The following DLG2 variants were observed in gnomAD, a reference collection of about 807,000 sequenced individuals.
DLG2 encodes the protein disks large homolog 2.
DLG2 carries 45 observed loss-of-function variants against 132.5 expected under a neutral mutation model. The observed-to-expected ratio is 0.34, with a 90% confidence interval of 0.27 to 0.44. The LOEUF is 0.44. Ranked by LOEUF, DLG2 falls within the 20% of genes least tolerant of loss-of-function variation. The pLI, the probability that DLG2 is intolerant of heterozygous loss-of-function variation, is 1.00. For missense variants in DLG2, 1,045 were observed against 1,196.9 expected, an observed-to-expected ratio of 0.87 and a Z score of 1.87; for synonymous variants, 424 against 419.6, an observed-to-expected ratio of 1.01 and a Z score of -0.13.
intron 19 of DLG2, among the ~76,000 whole-genome samples, chr11:83,612,858 A>C (rs1423216491): frequency 6.6e-6 from 1 of 152,200 alleles, no homozygotes; most frequent in Non-Finnish European, 1.5e-5. Flanking sequence ...TAGGGGAAGC[A>C]GCAGAGGAGG....
intron 7 of DLG2, among the ~76,000 whole-genome samples, chr11:84,517,581 T>C (rs1439600894): frequency 1.3e-5 from 2 of 151,756 alleles, no homozygotes; most frequent in African/African-American, 4.8e-5. Context: ...TGAAAAAGAG[T>C]ATATAGAGCT....
chr11:85,429,620 C>A (rs947232867), intron 3 of DLG2, among the ~76,000 whole-genome samples: 1 of 152,220 alleles, frequency 6.6e-6, no homozygotes, highest in African/African-American at 2.4e-5. Flanking sequence ...CTCGTCATCA[C>A]TGGCCATCAG....
chr11:85,479,578 T>C (rs942960106), intron 3 of DLG2, among the ~76,000 whole-genome samples: 2 of 152,244 alleles, frequency 1.3e-5, no homozygotes, highest in African/African-American at 4.8e-5. Flanking sequence ...GGATTCATTA[T>C]GAACTTTTGA....
intron 6 of DLG2, among the ~76,000 whole-genome samples, chr11:85,076,421 T>G (rs190169702): frequency 8.0e-4 from 121 of 152,112 alleles, no homozygotes; most frequent in African/African-American, 2.9e-3. Context: ...AACAGCCAAT[T>G]AACTTTCTAA....
chr11:84,818,350 T>C (rs1338070626), intron 6 of DLG2, among the ~76,000 whole-genome samples: 1 of 152,006 alleles, frequency 6.6e-6, no homozygotes. Context: ...TAGGAAACTT[T>C]TTTGGTTTAG....
At chr11:84,794,233 A>G (rs573522858) in intron 6 of DLG2, among the ~76,000 whole-genome samples, 1 of 152,346 alleles carries the variant, frequency 6.6e-6, no homozygotes, top group Non-Finnish European at 1.5e-5. Context: ...TATAGTCAAG[A>G]ATAACTTCAT....
At chr11:84,546,035 AG>A (rs1468262172) in intron 6 of DLG2, among the ~76,000 whole-genome samples, 2 of 152,028 alleles carry the variant, frequency 1.3e-5, no homozygotes, top group Non-Finnish European at 2.9e-5. Flanking sequence ...GGATTGTGAG[AG>A]TGACCCACCA....
intron 19 of DLG2, among the ~76,000 whole-genome samples, chr11:83,622,499 C>T (rs565397937): frequency 5.4e-4 from 83 of 152,342 alleles, no homozygotes; most frequent in Non-Finnish European, 9.3e-4. Flanking sequence ...CATCTTCAAA[C>T]TCAACTGTCC....
chr11:84,308,746 G>A (rs1478916465), intron 7 of DLG2, among the ~76,000 whole-genome samples: 1 of 152,114 alleles, frequency 6.6e-6, no homozygotes, highest in African/African-American at 2.4e-5. Flanking sequence ...CACTGCTGGG[G>A]GACCCAGTAC....
At chr11:85,384,408 C>T (rs1174980260) in intron 3 of DLG2, among the ~76,000 whole-genome samples, 2 of 152,068 alleles carry the variant, frequency 1.3e-5, no homozygotes, top group African/African-American at 2.4e-5. Flanking sequence ...TTTAATAGGT[C>T]TTCAAAGATG....
chr11:83,883,139 A>G (rs948524152), intron 15 of DLG2, among the ~76,000 whole-genome samples: 5 of 152,308 alleles, frequency 3.3e-5, no homozygotes, highest in East Asian at 1.9e-4. Flanking sequence ...TTGCATTTCT[A>G]TAAGTCATCC....
At chr11:83,547,395 C>T (rs1233066406) in intron 19 of DLG2, among the ~76,000 whole-genome samples, 6 of 151,982 alleles carry the variant, frequency 3.9e-5, no homozygotes, top group African/African-American at 1.5e-4. Context: ...GGGAGATTAT[C>T]CTGGATTATC....
At chr11:84,921,757 C>A (rs1454597054) in intron 6 of DLG2, among the ~76,000 whole-genome samples, 2 of 152,100 alleles carry the variant, frequency 1.3e-5, no homozygotes, top group Non-Finnish European at 2.9e-5. Context: ...CAAAACAATG[C>A]ATGTCATACC....
At chr11:85,492,573 C>T (rs990089494) in intron 3 of DLG2, among the ~76,000 whole-genome samples, 1 of 152,080 alleles carries the variant, frequency 6.6e-6, no homozygotes, top group Non-Finnish European at 1.5e-5. Flanking sequence ...TGCTTTTTAT[C>T]ATCTCAAATT....
chr11:85,331,370 T>TA (rs1470661201), intron 3 of DLG2, among the ~76,000 whole-genome samples: 1 of 152,238 alleles, frequency 6.6e-6, no homozygotes. Flanking sequence ...CTAGCGGTAA[T>TA]AAAATCATTT....
At chr11:83,892,789 G>A (rs752071613) in intron 15 of DLG2, among the ~76,000 whole-genome samples, 4 of 151,626 alleles carry the variant, frequency 2.6e-5, no homozygotes, top group Admixed American at 1.3e-4. Flanking sequence ...TCCATATCTC[G>A]GCTTCCCAAT....
chr11:83,880,921 A>G (rs2066065806), intron 15 of DLG2, among the ~76,000 whole-genome samples: 1 of 151,902 alleles, frequency 6.6e-6, no homozygotes, highest in African/African-American at 2.4e-5. Flanking sequence ...CATTCATAAC[A>G]CTTTTGATTC....
chr11:85,496,838 G>C (rs747289834), intron 3 of DLG2, among the ~76,000 whole-genome samples: 1 of 152,166 alleles, frequency 6.6e-6, no homozygotes, highest in Admixed American at 6.6e-5. Context: ...TGAGAGGCCT[G>C]TCTGTTAGAA....
intron 7 of DLG2, among the ~76,000 whole-genome samples, chr11:84,512,987 G>A (rs191631451): frequency 1.5e-3 from 228 of 152,064 alleles, no homozygotes; most frequent in Admixed American, 2.2e-3. Flanking sequence ...GGGCCTGTTG[G>A]GGTTGGGGGA....
Sources: allele counts gnomAD v4.1 joint callset (sites outside exome capture counted in the v4.1 genomes callset), GRCh38; gene constraint gnomAD v4.1.1; transcripts MANE v1.5; gene names NCBI Gene and HGNC (gene_info 2026-07-23, HGNC 2026-07-21).